Variants in E2F7 observed in about 807,000 individuals in gnomAD.
E2F7 encodes E2F transcription factor 7.
E2F7 carries 35 observed loss-of-function variants against 81.1 expected under a neutral mutation model. The observed-to-expected ratio is 0.43, with a 90% CI of 0.33 to 0.57. The LOEUF (loss-of-function observed/expected upper bound fraction) is 0.57, where lower values mean the gene tolerates loss of function less well. E2F7 is among the 20% of genes least tolerant of loss of function. The pLI, the probability that E2F7 is intolerant of heterozygous loss-of-function variation, is 0.04. For synonymous variants in E2F7, 416 were observed against 416.2 expected, an observed-to-expected ratio of 1.00 and a Z score of 0.01; for missense variants, 961 against 1,093.7, an observed-to-expected ratio of 0.88 and a Z score of 1.71.
intron 4 of E2F7, 40 bp from the exon 5 acceptor site, chr12:77,046,368 A>C (rs939513667): frequency 9.5e-6 from 15 of 1,581,652 alleles, no homozygotes; most frequent in Non-Finnish European, 1.3e-5. Flanking sequence ...CATGCAGACA[A>C]ACATTTTTGA....
chr12:77,063,497 A>T (rs997534279), intron 2 of E2F7, among the ~76,000 whole-genome samples: 5 of 152,198 alleles, frequency 3.3e-5, no homozygotes, highest in African/African-American at 1.2e-4. Flanking sequence ...GGAAAACATA[A>T]ACAGAATAAA....
At chr12:77,027,553 C>T (rs1217530998) in intron 11 of E2F7, among the ~76,000 whole-genome samples, 2 of 152,226 alleles carry the variant, frequency 1.3e-5, no homozygotes, top group Non-Finnish European at 2.9e-5. Flanking sequence ...CCTCAAAACA[C>T]TAGCTGCATG....
At chr12:77,031,730 T>C (rs1202982885) in intron 9 of E2F7, among the ~76,000 whole-genome samples, 1 of 152,172 alleles carries the variant, frequency 6.6e-6, no homozygotes, top group Non-Finnish European at 1.5e-5. Context: ...CAGGATTTCT[T>C]TCCGTCTTTC....
intron 6 of E2F7, chr12:77,044,324 T>G (rs1024727124): frequency 6.5e-5 from 32 of 495,770 alleles, no homozygotes; most frequent in South Asian, 4.7e-4. Context: ...ACTCAGACAT[T>G]CTGTCTTGGA....
At chr12:77,047,855 T>C (rs1233992466) in intron 4 of E2F7, among the ~76,000 whole-genome samples, 1 of 152,236 alleles carries the variant, frequency 6.6e-6, no homozygotes, top group African/African-American at 2.4e-5. Context: ...TGCTTCTTTA[T>C]TCCAGTCTGT....
At chr12:77,045,929 T>C in intron 5 of E2F7, 109 bp downstream of exon 5, 1 of 1,356,126 alleles carries the variant, frequency 7.4e-7, no homozygotes, top group East Asian at 2.3e-5. Flanking sequence ...AGAGAACATC[T>C]CCCTCCAGGG....
At chr12:77,026,077 C>A in intron 11 of E2F7, 95 bp from the exon 12 acceptor site, 1 of 1,362,812 alleles carries the variant, frequency 7.3e-7, no homozygotes. Context: ...AACGGGAGTC[C>A]ACAATAAATC....
chr12:77,063,859 C>T (rs761214346), intron 2 of E2F7, among the ~76,000 whole-genome samples: 8 of 152,184 alleles, frequency 5.3e-5, no homozygotes, highest in Non-Finnish European at 1.2e-4. Flanking sequence ...TTCAAAGTTT[C>T]TAAAACTTGG....
In E2F7 at chr12:77,025,707, A is replaced by T; in HGVS notation, c.2416T>A (p.Ser806Thr). 1 of 1,614,182 alleles carries T rather than the reference A, an allele frequency of 6.2e-7. No homozygotes were observed. The highest frequency in any genetic ancestry group is 1.1e-5 in the South Asian group (1 of 91,080). The change falls in exon 12 of 13, where the codon TCG becomes ACG. Residue 806 changes from serine (S) to threonine (T), a missense_variant. Around this residue, in one of 3 missense-constraint regions of E2F7, gnomAD observed 587 missense variants for 620.3 expected, o/e 0.95. Transcript: ENST00000322886. ...GGGTCTGCAGAAGGGAGTGTGGACG[A>T]CTTTGGATTAACCACAGCTGTGGGG... ...VGPTAVVNPK[S>T]STLPSADPQL... is the part of the protein sequence containing the mutation.
chr12:77,050,484 G>C (rs1236644753), intron 4 of E2F7, 92 bp downstream of exon 4: 16 of 1,335,724 alleles, frequency 1.2e-5, no homozygotes, highest in Non-Finnish European at 1.7e-5. Context: ...CGATTGAGGG[G>C]CCCACTCTAC....
At chr12:77,045,133 T>C (rs1954928378) in intron 5 of E2F7, among the ~76,000 whole-genome samples, 1 of 152,184 alleles carries the variant, frequency 6.6e-6, no homozygotes, top group South Asian at 2.1e-4. Context: ...GATAAAAAGA[T>C]AGGGTGGGAA....
At chr12:77,032,798 G>A (rs561737907) in intron 9 of E2F7, among the ~76,000 whole-genome samples, 2 of 152,266 alleles carry the variant, frequency 1.3e-5, no homozygotes, top group African/African-American at 4.8e-5. Flanking sequence ...ATTATGAATT[G>A]TCTCTTTTCC....
At chr12:77,028,170 T>C in intron 10 of E2F7, 32 bp from the exon 11 acceptor site, 1 of 1,580,704 alleles carries the variant, frequency 6.3e-7, no homozygotes, top group Non-Finnish European at 8.6e-7. Context: ...AGCAAGAAAG[T>C]AAGTTAAAAT....
intron 6 of E2F7, chr12:77,044,171 T>A: frequency 5.2e-6 from 2 of 385,834 alleles, no homozygotes; most frequent in South Asian, 3.9e-5. Flanking sequence ...GAGGATGCAC[T>A]GGGTGTGATA....
At chr12:77,036,637 G>C (rs1954851730) in intron 7 of E2F7, among the ~76,000 whole-genome samples, 1 of 152,054 alleles carries the variant, frequency 6.6e-6, no homozygotes, top group Non-Finnish European at 1.5e-5. Flanking sequence ...TATTGTCTAG[G>C]CTGGGCTCGA....
At chr12:77,033,457 A>G (rs2120648942) in intron 8 of E2F7, among the ~76,000 whole-genome samples, 1 of 152,290 alleles carries the variant, frequency 6.6e-6, no homozygotes, top group Non-Finnish European at 1.5e-5. Context: ...GGCTGCAGTG[A>G]GCCGTGATCA....
intron 10 of E2F7, among the ~76,000 whole-genome samples, chr12:77,028,628 C>G (rs1004822423): frequency 5.3e-5 from 8 of 152,150 alleles, no homozygotes; most frequent in Middle Eastern, 3.4e-3. Flanking sequence ...CCACCACACC[C>G]AGCTAATTTT....
chr12:77,063,578 T>TTGGA (rs1309988354), intron 2 of E2F7, among the ~76,000 whole-genome samples: 1 of 152,206 alleles, frequency 6.6e-6, no homozygotes, highest in Non-Finnish European at 1.5e-5. Flanking sequence ...ACTGCAGGTC[T>TTGGA]TGGAACACAT....
intron 11 of E2F7, among the ~76,000 whole-genome samples, chr12:77,027,615 G>T (rs1954770072): frequency 6.6e-6 from 1 of 152,196 alleles, no homozygotes; most frequent in South Asian, 2.1e-4. Flanking sequence ...AGACTCAGCT[G>T]AATTACCGTG....
Sources: gnomAD v4.1 joint callset for allele counts (sites outside exome capture counted in the v4.1 genomes callset) on GRCh38, gnomAD v4.1.1 for gene constraint, gnomAD v4.1.1 regional missense constraint, MANE v1.5 for transcripts, NCBI Gene and HGNC (gene_info 2026-07-23, HGNC 2026-07-21) for gene names.